Variants in MTMR7 observed in about 807,000 individuals in gnomAD.
MTMR7 encodes the protein myotubularin related protein 7, also known as phosphatidylinositol-3-phosphate phosphatase MTMR7.
Under a neutral mutation model 81.2 loss-of-function variants are expected in MTMR7, and 76 were observed. The observed-to-expected ratio is 0.94, with a 90% CI of 0.78 to 1.13. MTMR7 has a LOEUF of 1.13. Among genes scored for constraint, MTMR7 ranks in the 50% most tolerant of loss-of-function variants. The pLI is 0.00. For synonymous variants in MTMR7, 372 were observed against 289.8 expected (o/e 1.28, Z -2.88); for missense variants, 1,044 against 820.0 (o/e 1.27, Z -3.34).
chr8:17,413,317 C>A lies in MTMR7; in HGVS notation c.-25G>T. ...TGGCTGGCCCACGTCTGCAGGGTCC[C>A]GGGCGGGCGCGGCCTCACGCACCTG... On this transcript the variant is annotated 5_prime_UTR_variant, in exon 1 of 14. Transcript: ENST00000180173. The A allele has an allele frequency of 6.5e-7, 1 of 1,529,298 alleles. No homozygotes were observed. The allele number at this position is 1,529,298 out of a possible 1,614,324, so 94.7% of individuals were successfully genotyped here.
At position 17,408,197 on chromosome 8, in the gene MTMR7, C is replaced by T. The variant is rs1204069938; in HGVS notation, c.24+5072G>A. ...CGAGGTCAGGAGATCGAGACCATCC[C>T]GGCTAAAACGGTGAAACCCCGTCTC... On this transcript the variant is annotated intron_variant, in intron 1 of 13. Coordinates refer to ENST00000180173, the MANE Select transcript of MTMR7 (RefSeq NM_004686.5). Among the ~76,000 whole-genome samples the T allele has an allele frequency of 7.6e-5, 5 of 65,782 alleles. 2 individuals are homozygous for T. Among genetic ancestry groups the T allele is most frequent in the Non-Finnish European group, 1.4e-4 (3 of 21,344 alleles). 43.2% of individuals were successfully genotyped at this position (65,782 alleles called of 152,430 possible). A position where few individuals can be genotyped will look rare whatever the true frequency, so the allele number is the denominator to read the frequency against.
At chr8:17,408,632 AACAG>A (rs933264013) in intron 1 of MTMR7, among the ~76,000 whole-genome samples, 46 of 152,258 alleles carry the variant, frequency 3.0e-4, no homozygotes, top group African/African-American at 1.1e-3. Context: ...TGAATGAGGT[AACAG>A]AAAGCAAGCT....
At position 17,397,916 on chromosome 8, in the gene MTMR7, A is replaced by G. The variant is rs78582790; in HGVS notation, c.24+15353T>C. Among the ~76,000 whole-genome samples the G allele has an allele frequency of 3.8e-3, 583 of 152,308 alleles. 2 individuals are homozygous for G. The highest frequency in any genetic ancestry group is 0.013 in the African/African-American group (554 of 41,570). On this transcript the variant is annotated intron_variant, in intron 1 of 13. Coordinates refer to ENST00000180173, the MANE Select transcript of MTMR7 (RefSeq NM_004686.5). ...TGGGAGAAAATAAAGGAAGAGAAAA[A>G]GACTATCTCTCTGATAATCCAAATA...
intron 12 of MTMR7, among the ~76,000 whole-genome samples, chr8:17,304,005 C>T (rs546464695): frequency 6.6e-6 from 1 of 152,128 alleles, no homozygotes; most frequent in South Asian, 2.1e-4. Context: ...ACGGCAAAAA[C>T]CACAATTATT....
intron 13 of MTMR7, 155 bp downstream of exon 13, chr8:17,301,999 C>G (rs1244345220): frequency 3.4e-5 from 32 of 954,790 alleles, no homozygotes; most frequent in Middle Eastern, 3.3e-4. Flanking sequence ...CTTCGGTTAT[C>G]TGAGTCCTGA....
chr8:17,306,896 A>C (rs1817490320), intron 10 of MTMR7, among the ~76,000 whole-genome samples: 1 of 148,770 alleles, frequency 6.7e-6, no homozygotes, highest in African/African-American at 2.5e-5. Flanking sequence ...TTCAAGATGG[A>C]TTAAAGACTT....
intron 1 of MTMR7, among the ~76,000 whole-genome samples, chr8:17,405,937 A>C (rs1269490832): frequency 6.6e-6 from 1 of 152,116 alleles, no homozygotes; most frequent in Non-Finnish European, 1.5e-5. Context: ...TATGTAAAGA[A>C]AAATGTTAAT....
chr8:17,381,833 A>G (rs1375145004), intron 1 of MTMR7, among the ~76,000 whole-genome samples: 1 of 152,248 alleles, frequency 6.6e-6, no homozygotes, highest in Non-Finnish European at 1.5e-5. Context: ...GACATTTTCT[A>G]ACTCTACCAA....
intron 12 of MTMR7, 180 bp from the exon 13 acceptor site, chr8:17,302,460 A>G (rs1398594481): frequency 3.5e-6 from 2 of 575,286 alleles, no homozygotes. Context: ...TTCTTGGGTC[A>G]GTAAATGCCT....
intron 6 of MTMR7, among the ~76,000 whole-genome samples, chr8:17,337,652 G>C (rs1469606379): frequency 6.6e-6 from 1 of 152,004 alleles, no homozygotes; most frequent in Non-Finnish European, 1.5e-5. Context: ...GTCTCACTCT[G>C]TTGCCCAAGC....
intron 8 of MTMR7, among the ~76,000 whole-genome samples, chr8:17,312,568 C>A (rs35463144): frequency 0.15 from 15,676 of 104,070 alleles, 1,200 homozygotes; most frequent in Non-Finnish European, 0.2. Flanking sequence ...GAGCGAGACT[C>A]CCTCTCAAAA....
rs1554502374 is a variant in MTMR7, at chr8:17,297,352, A to AAAT, written c.*2507_*2509dup. On this transcript the variant is annotated 3_prime_UTR_variant, in exon 14 of 14. Coordinates refer to ENST00000180173, the MANE Select transcript of MTMR7 (RefSeq NM_004686.5). The stretch of plus-strand genomic sequence containing the variant: ...TTTCTAGGCATAAATTGAGACTAGG[A>AAAT]AATTTATATCAGAATAGAGGGTGCT... 1.3e-5 allele frequency: 2 copies of AAAT among 151,972 alleles called. No homozygotes were observed. The highest frequency in any genetic ancestry group is 2.9e-5 in the Non-Finnish European group (2 of 67,898). 9.4% of individuals were successfully genotyped at this position (151,972 alleles called of 1,614,324 possible).
chr8:17,335,764 C>T (rs1263207161), intron 6 of MTMR7, among the ~76,000 whole-genome samples: 1 of 152,238 alleles, frequency 6.6e-6, no homozygotes, highest in Non-Finnish European at 1.5e-5. Flanking sequence ...CTCCTTTCTA[C>T]CCGCTAAGGA....
rs1274831991 is a variant in MTMR7, at chr8:17,307,335, T to G, written c.1152-1378A>C. 1.1e-4 allele frequency among the ~76,000 whole-genome samples: 16 copies of G among 152,186 alleles called. No individual in the cohort carries two copies. In the East Asian group the frequency reaches 1.4e-3, roughly 13 times the overall value. ...GAAATGCAAATCAAAACCACAATGATACACCATCTCACACCAGTTAGAATG... is the reference window on the plus strand; with the variant it reads ...GAAATGCAAATCAAAACCACAATGAGACACCATCTCACACCAGTTAGAATG... On this transcript the variant is annotated intron_variant, in intron 10 of 13. Coordinates refer to ENST00000180173, the MANE Select transcript of MTMR7 (RefSeq NM_004686.5).
rs192890897 is a variant in MTMR7 at position 17,379,964 on chromosome 8, G to T, written c.25-6724C>A. 6.4e-4 allele frequency among the ~76,000 whole-genome samples: 97 copies of T among 152,248 alleles called. 1 individual carries two copies. The highest frequency in any genetic ancestry group is 1.3e-3 in the Non-Finnish European group (88 of 68,024). On this transcript the variant is annotated intron_variant, in intron 1 of 13. Transcript: ENST00000180173. ...GGCTATATACCATAACGCACTGAGG[G>T]TTTGGAGGAGGGGAGAGTAATTAAG... is the stretch of plus-strand genomic sequence containing the variant.
intron 13 of MTMR7, 174 bp downstream of exon 13, chr8:17,301,980 A>G (rs73208601): frequency 0.11 from 79,169 of 730,916 alleles, 5,098 homozygotes; most frequent in South Asian, 0.21. Context: ...TTAAATGCCT[A>G]GGTTTGGGCT....
At chr8:17,392,363 G>C (rs936573103) in intron 1 of MTMR7, among the ~76,000 whole-genome samples, 2 of 152,122 alleles carry the variant, frequency 1.3e-5, no homozygotes, top group Non-Finnish European at 2.9e-5. Flanking sequence ...GACTTACATA[G>C]GAGGTTACAG....
At chr8:17,371,593 G>A (rs1820421924) in intron 2 of MTMR7, among the ~76,000 whole-genome samples, 2 of 152,118 alleles carry the variant, frequency 1.3e-5, no homozygotes, top group African/African-American at 2.4e-5. Context: ...GCTCCGCTGG[G>A]AGGTGCCACC....
chr8:17,350,053 T>A (rs979598032), intron 4 of MTMR7, among the ~76,000 whole-genome samples: 1 of 152,214 alleles, frequency 6.6e-6, no homozygotes, highest in South Asian at 2.1e-4. Context: ...ATGTTAGTGG[T>A]AGCAACAGTG....
Sources: gnomAD v4.1 joint callset for allele counts (sites outside exome capture counted in the v4.1 genomes callset) on GRCh38, gnomAD v4.1.1 for gene constraint, MANE v1.5 for transcripts, NCBI Gene and HGNC (gene_info 2026-07-23, HGNC 2026-07-21) for gene names.